Variants in ZBTB37 observed in about 807,000 individuals in gnomAD.
The protein encoded by ZBTB37 is zinc finger and BTB domain containing 37, also known as zinc finger and BTB domain-containing protein 37.
ZBTB37 carries 15 observed loss-of-function variants against 37.7 expected under a neutral mutation model. The observed-to-expected ratio is 0.40, with a 90% confidence interval of 0.27 to 0.61. The LOEUF is 0.61. Among genes scored for constraint, ZBTB37 ranks in the 20% least tolerant of loss-of-function variants. The pLI is 0.44. For missense variants in ZBTB37, 514 were observed against 641.9 expected (o/e 0.80, Z 2.15); for synonymous variants, 231 against 220.6 (o/e 1.05, Z -0.42).
intron 4 of ZBTB37, among the ~76,000 whole-genome samples, chr1:173,884,105 A>AT (rs936754482): frequency 2.6e-5 from 4 of 151,870 alleles, no homozygotes; most frequent in African/African-American, 9.7e-5. Context: ...TTTCTGATTG[A>AT]TTTTTTTAAT....
exon 3 of ZBTB37, chr1:173,870,754 C>G (rs1363641482): frequency 1.2e-6 from 2 of 1,614,076 alleles, no homozygotes; most frequent in Non-Finnish European, 1.7e-6. Context: ...CCGGCGAGGT[C>G]AGGTTAGTGC....
At chr1:173,901,994 C>T (rs1344034003) in exon 4 of ZBTB37, 1 of 152,224 alleles carries the variant, frequency 6.6e-6, no homozygotes, top group South Asian at 2.1e-4. Flanking sequence ...AAAAGCAGAT[C>T]ACACTGGACT....
At chr1:173,893,841 G>A (rs2102760827) in exon 4 of ZBTB37, 1 of 152,278 alleles carries the variant, frequency 6.6e-6, no homozygotes, top group South Asian at 2.1e-4. Context: ...CCTCTAGTAG[G>A]TGTAATTATA....
exon 4 of ZBTB37, chr1:173,899,476 A>G (rs1657177725): frequency 6.6e-6 from 1 of 152,202 alleles, no homozygotes; most frequent in African/African-American, 2.4e-5. Flanking sequence ...GTTTGATTGC[A>G]GCATGTTAAA....
At chr1:173,870,612 T>C (rs1278884694) in exon 3 of ZBTB37, 1 of 1,614,170 alleles carries the variant, frequency 6.2e-7, no homozygotes, top group South Asian at 1.1e-5. Context: ...ATTTCAAAAT[T>C]AATGTGGCTG....
chr1:173,901,522 C>A (rs1323704832), exon 4 of ZBTB37: 1 of 151,618 alleles, frequency 6.6e-6, no homozygotes, highest in Non-Finnish European at 1.5e-5. Flanking sequence ...GCCTCAGCCT[C>A]CCAAGTAGCT....
In ZBTB37 at chr1:173,896,214, A is replaced by G. The variant is rs969072050; in HGVS notation, c.*10090A>G. The G allele has an allele frequency of 4.3e-4, 65 of 152,230 alleles. 1 individual carries two copies. Among genetic ancestry groups the G allele is most frequent in the African/African-American group, 1.5e-3 (63 of 41,464 alleles). The allele number at this position is 152,230 out of a possible 1,614,324, so 9.4% of individuals were successfully genotyped here. ...AGATTAATTAGATTTTATCATATAA[A>G]GATTAGGGCAAATTATTTTTTTTTC... On this transcript the variant is annotated 3_prime_UTR_variant, in exon 4 of 4. Transcript: ENST00000367701.
At chr1:173,875,574 A>T (rs893419346) in intron 4 of ZBTB37, among the ~76,000 whole-genome samples, 2 of 151,366 alleles carry the variant, frequency 1.3e-5, no homozygotes, top group African/African-American at 4.9e-5. Context: ...TGATCCACCC[A>T]CCTCAGCCTC....
chr1:173,901,871 G>T (rs753615732), exon 4 of ZBTB37: 2 of 152,178 alleles, frequency 1.3e-5, no homozygotes, highest in African/African-American at 2.4e-5. Context: ...TCCTTCAGAT[G>T]GACATAGTCT....
At chr1:173,883,404 G>C (rs1202270327) in intron 4 of ZBTB37, among the ~76,000 whole-genome samples, 1 of 152,134 alleles carries the variant, frequency 6.6e-6, no homozygotes, top group Admixed American at 6.5e-5. Context: ...GCTTGAACCC[G>C]GGAGGCGGAG....
Position 173,879,380 on chromosome 1 carries a change from T to C in ZBTB37, c.1023+5814T>C, listed in dbSNP as rs1421751755. Among the ~76,000 whole-genome samples the C allele has an allele frequency of 1.3e-5, 2 of 152,204 alleles. 1 individual carries two copies. The highest frequency in any genetic ancestry group is 4.1e-4 in the South Asian group (2 of 4,822). ...TTGCCCTAAAAATTAAATATGTATA[T>C]GCGTGGGTGTGTAGGTTTTCTTTTG... On this transcript the variant is annotated intron_variant, in intron 4 of 4. Coordinates refer to ENST00000427304, the Ensembl canonical transcript of ZBTB37.
In ZBTB37 at chr1:173,870,190, T is replaced by A. The variant is rs1655453192; in HGVS notation, c.-29-7T>A. 6.6e-7 allele frequency: 1 copy of A among 1,524,000 alleles called. No homozygotes were observed. The allele number at this position is 1,524,000 out of a possible 1,614,324, so 94.4% of individuals were successfully genotyped here. ...ATTATTAATGAGAATATGGTTTCTT[T>A]TTTCAGCAGGGTTGAATGCACCCTC... On this transcript the variant is annotated splice_region_variant and splice_polypyrimidine_tract_variant and intron_variant, in intron 2 of 4. Transcript: ENST00000427304.
chr1:173,870,212 C>T, exon 3 of ZBTB37: 2 of 1,591,364 alleles, frequency 1.3e-6, no homozygotes, highest in Admixed American at 1.8e-5. Flanking sequence ...TTGAATGCAC[C>T]CTCAGGCACG....
exon 4 of ZBTB37, chr1:173,892,607 A>G (rs1557894562): frequency 6.6e-6 from 1 of 152,178 alleles, no homozygotes; most frequent in Non-Finnish European, 1.5e-5. Flanking sequence ...TTTCTCCTCA[A>G]CTGTGACACA....
chr1:173,887,768 C>G (rs1158283470), downstream of ZBTB37: 1 of 152,168 alleles, frequency 6.6e-6, no homozygotes, highest in Non-Finnish European at 1.5e-5. Context: ...GCATAGATGA[C>G]TGTAAAAGAG....
exon 5 of ZBTB37, chr1:173,885,770 A>T (rs763842910): frequency 1.9e-6 from 3 of 1,551,488 alleles, no homozygotes; most frequent in African/African-American, 2.7e-5. Flanking sequence ...ACCAGAAGGG[A>T]AGCCTGGACC....
exon 4 of ZBTB37, chr1:173,894,643 A>ACT (rs1343481430): frequency 6.6e-6 from 1 of 152,178 alleles, no homozygotes; most frequent in African/African-American, 2.4e-5. Flanking sequence ...CCACCACTGT[A>ACT]CTCTTGGTCG....
intron 4 of ZBTB37, among the ~76,000 whole-genome samples, chr1:173,882,444 A>G (rs552932663): frequency 9.2e-5 from 14 of 151,714 alleles, no homozygotes; most frequent in African/African-American, 1.5e-4. Flanking sequence ...GTTTCACCAT[A>G]TTAGCCAGGA....
chr1:173,902,839 T>C (rs931904205), exon 4 of ZBTB37: 1 of 152,128 alleles, frequency 6.6e-6, no homozygotes, highest in African/African-American at 2.4e-5. Flanking sequence ...AATTTCTTAA[T>C]GTAAACACAC....
Sources: allele counts gnomAD v4.1 joint callset (sites outside exome capture counted in the v4.1 genomes callset), GRCh38; gene constraint gnomAD v4.1.1; transcripts MANE v1.5; gene names NCBI Gene and HGNC (gene_info 2026-07-23, HGNC 2026-07-21).